NOL4: variants seen among roughly 807,000 people sequenced by gnomAD.
NOL4 encodes nucleolar protein 4, also known as cancer/testis antigen 125.
NOL4 carries 17 observed loss-of-function variants against 75.9 expected under a neutral mutation model. That is an observed-to-expected ratio of 0.22 (90% confidence interval 0.15 to 0.34). The LOEUF (loss-of-function observed/expected upper bound fraction) is 0.34. Ranked by LOEUF, NOL4 falls within the 10% of genes least tolerant of loss-of-function variation. The pLI, the probability that NOL4 is intolerant of heterozygous loss-of-function variation, is 1.00. For synonymous variants in NOL4, 292 were observed against 289.9 expected, an observed-to-expected ratio of 1.01 and a Z score of -0.07; for missense variants, 614 against 793.5, an observed-to-expected ratio of 0.77 and a Z score of 2.72.
At chr18:33,951,076 G>T (rs1335203371) in intron 8 of NOL4, among the ~76,000 whole-genome samples, 12 of 152,102 alleles carry the variant, frequency 7.9e-5, no homozygotes, top group Admixed American at 7.9e-4. Context: ...CAAGAACCAA[G>T]GCTCACTGAC....
chr18:33,892,887 T>C (rs2144848700), intron 9 of NOL4, among the ~76,000 whole-genome samples: 1 of 152,192 alleles, frequency 6.6e-6, no homozygotes, highest in South Asian at 2.1e-4. Flanking sequence ...GGTCTCGAAC[T>C]CTTGACCTCA....
At chr18:33,948,627 A>C (rs979582130) in intron 8 of NOL4, among the ~76,000 whole-genome samples, 1 of 152,058 alleles carries the variant, frequency 6.6e-6, no homozygotes, top group African/African-American at 2.4e-5. Flanking sequence ...CTTAAAAATG[A>C]CAAAACTGAG....
rs370156958 is a variant in NOL4 at position 34,013,396 on chromosome 18, C to A, written c.1056+5922G>T. 3.3e-5 allele frequency among the ~76,000 whole-genome samples: 5 copies of A among 151,854 alleles called. No homozygotes were observed. The East Asian group carries it at 7.8e-4, about 24-fold the overall frequency. ...ACCTAAAGTCATCTTGTAAAACACA[C>A]GCCAGAATTTTTCCTACCCCAAAAC... is the stretch of plus-strand genomic sequence containing the variant. On this transcript the variant is annotated intron_variant, in intron 6 of 10. Coordinates refer to ENST00000261592, the MANE Select transcript of NOL4 (RefSeq NM_003787.5).
chr18:34,079,944 C>G (rs2077926075), intron 5 of NOL4, among the ~76,000 whole-genome samples: 1 of 152,232 alleles, frequency 6.6e-6, no homozygotes, highest in South Asian at 2.1e-4. Flanking sequence ...CTATACCAGA[C>G]TTAGCCTAAG....
At chr18:33,893,188 T>C (rs2065201056) in intron 9 of NOL4, among the ~76,000 whole-genome samples, 1 of 152,108 alleles carries the variant, frequency 6.6e-6, no homozygotes, top group South Asian at 2.1e-4. Context: ...ATTCTTGATA[T>C]GTATCAATAT....
chr18:34,089,182 C>G (rs2078387531), intron 5 of NOL4, among the ~76,000 whole-genome samples: 1 of 151,810 alleles, frequency 6.6e-6, no homozygotes, highest in Admixed American at 6.6e-5. Context: ...ATTTTTATAC[C>G]TACCTGTTAT....
intron 3 of NOL4, among the ~76,000 whole-genome samples, chr18:34,104,626 T>A (rs1255550857): frequency 1.3e-5 from 2 of 152,110 alleles, no homozygotes; most frequent in African/African-American, 4.8e-5. Flanking sequence ...TAATTTTCAA[T>A]AATTTTAATG....
At chr18:34,157,780 G>C (rs1239733615) in intron 1 of NOL4, among the ~76,000 whole-genome samples, 1 of 152,110 alleles carries the variant, frequency 6.6e-6, no homozygotes, top group East Asian at 1.9e-4. Flanking sequence ...TCTTATAAGA[G>C]GTTAAGTAGG....
intron 6 of NOL4, among the ~76,000 whole-genome samples, chr18:33,982,115 A>G (rs2072009915): frequency 6.6e-6 from 1 of 152,128 alleles, no homozygotes; most frequent in Non-Finnish European, 1.5e-5. Context: ...AAAATTGCAT[A>G]CGGCAGGAAA....
intron 1 of NOL4, among the ~76,000 whole-genome samples, chr18:34,194,281 C>T (rs1396439812): frequency 2.0e-5 from 3 of 151,934 alleles, no homozygotes; most frequent in African/African-American, 7.3e-5. Context: ...ATTTAGTCAT[C>T]CCACAATCTA....
At chr18:34,156,921 C>T (rs939360378) in intron 1 of NOL4, 2 of 152,262 alleles carry the variant, frequency 1.3e-5, no homozygotes, top group Admixed American at 6.6e-5. Flanking sequence ...CCCACACTCA[C>T]TACACCCCAC....
intron 9 of NOL4, among the ~76,000 whole-genome samples, chr18:33,927,893 C>A (rs532549585): frequency 6.6e-6 from 1 of 151,914 alleles, no homozygotes; most frequent in African/African-American, 2.4e-5. Flanking sequence ...CATGACACAC[C>A]GCTTCCTTTA....
intron 6 of NOL4, among the ~76,000 whole-genome samples, chr18:34,017,515 T>C (rs1354369944): frequency 1.3e-5 from 2 of 152,154 alleles, no homozygotes; most frequent in East Asian, 1.9e-4. Flanking sequence ...GATATGATAT[T>C]ATTAGCTCTA....
chr18:34,210,458 G>A lies in NOL4; in HGVS notation c.264+12532C>T, dbSNP rs549770931. On this transcript the variant is annotated intron_variant, in intron 1 of 10. Transcript: ENST00000261592. Reference sequence around the variant, plus strand: ...ATATATTTAAATCACATAATTATAAGTGAAACTAGCAAAAAATAGTATGGG... The same window carrying A: ...ATATATTTAAATCACATAATTATAAATGAAACTAGCAAAAAATAGTATGGG... 2.6e-5 allele frequency among the ~76,000 whole-genome samples: 4 copies of A among 152,230 alleles called. No individual in the cohort carries two copies. In the East Asian group the frequency reaches 7.7e-4, roughly 29 times the overall value.
chr18:33,930,354 T>C (rs918253444), intron 9 of NOL4, among the ~76,000 whole-genome samples: 3 of 152,140 alleles, frequency 2.0e-5, no homozygotes, highest in East Asian at 3.8e-4. Context: ...AAAGGTAAGA[T>C]GGTAAGTTTT....
chr18:33,881,989 A>T (rs186886637), intron 10 of NOL4, among the ~76,000 whole-genome samples: 19,874 of 152,248 alleles, frequency 0.13, 1,428 homozygotes, highest in Non-Finnish European at 0.17. Flanking sequence ...TGCTGGGAAA[A>T]CTGGCTAGCC....
chr18:33,878,947 AT>A (rs759256228), intron 10 of NOL4, among the ~76,000 whole-genome samples: 14 of 152,216 alleles, frequency 9.2e-5, no homozygotes, highest in Admixed American at 5.9e-4. Context: ...CCAAATAATA[AT>A]ATGATTACTG....
At chr18:34,101,623 C>T (rs2079044900) in intron 4 of NOL4, among the ~76,000 whole-genome samples, 1 of 152,122 alleles carries the variant, frequency 6.6e-6, no homozygotes, top group South Asian at 2.1e-4. Flanking sequence ...GTTATCATTT[C>T]AATGTTAGCA....
chr18:34,093,393 T>C, intron 5 of NOL4, 72 bp downstream of exon 5: 1 of 1,403,208 alleles, frequency 7.1e-7, no homozygotes, highest in Non-Finnish European at 9.6e-7. Flanking sequence ...TAAGAGGTAG[T>C]TGTTGTTTCC....
Sources: allele counts gnomAD v4.1 joint callset (sites outside exome capture counted in the v4.1 genomes callset), GRCh38; gene constraint gnomAD v4.1.1; transcripts MANE v1.5; gene names NCBI Gene and HGNC (gene_info 2026-07-23, HGNC 2026-07-21).